Variants in RAB7A observed in about 807,000 individuals in gnomAD.
The protein encoded by RAB7A is ras-related protein Rab-7a.
In RAB7A, 2 loss-of-function variants were observed where a neutral mutation model predicts 24.5. The observed-to-expected ratio is 0.08, with a 90% confidence interval of 0.03 to 0.26. The LOEUF (loss-of-function observed/expected upper bound fraction) is 0.26. Ranked by LOEUF, RAB7A falls within the 10% of genes least tolerant of loss-of-function variation. The pLI, the probability that RAB7A is intolerant of heterozygous loss-of-function variation, is 1.00. For synonymous variants in RAB7A, 100 were observed against 95.9 expected (o/e 1.04, Z -0.25); for missense variants, 118 against 255.7 (o/e 0.46, Z 3.67).
intron 1 of RAB7A, among the ~76,000 whole-genome samples, chr3:128,758,713 CAT>C (rs1576280462): frequency 1.3e-5 from 2 of 152,126 alleles, no homozygotes; most frequent in East Asian, 3.9e-4. Flanking sequence ...TTAGTTTTCT[CAT>C]ATATCAGATA....
chr3:128,732,547 A>G (rs1298109651), intron 1 of RAB7A, among the ~76,000 whole-genome samples: 1 of 152,186 alleles, frequency 6.6e-6, no homozygotes, highest in Non-Finnish European at 1.5e-5. Flanking sequence ...TTGGCCAGGC[A>G]TGGTGGTCAG....
Position 128,814,522 on chromosome 3 carries a change from T to A in RAB7A, c.*1100T>A, listed in dbSNP as rs556530753. 1.3e-5 allele frequency: 2 copies of A among 152,790 alleles called. No homozygotes were observed. Among genetic ancestry groups the A allele is most frequent in the East Asian group, 3.9e-4 (2 of 5,190 alleles). 9.5% of individuals were successfully genotyped at this position (152,790 alleles called of 1,614,324 possible). On this transcript the variant is annotated 3_prime_UTR_variant, in exon 6 of 6. Coordinates refer to ENST00000265062, the MANE Select transcript of RAB7A (RefSeq NM_004637.6). ...TGTCCTAGTGATTTTACCTTTGTTC[T>A]AGAAGGCGCTCCTTTCAGGGTTGTG...
chr3:128,767,055 T>TA (rs2070838842), intron 1 of RAB7A, among the ~76,000 whole-genome samples: 1 of 152,164 alleles, frequency 6.6e-6, no homozygotes, highest in Non-Finnish European at 1.5e-5. Context: ...TTTGCCCTGA[T>TA]ACCATCTCTT....
chr3:128,785,352 C>A (rs1344790326), intron 1 of RAB7A: 2 of 152,144 alleles, frequency 1.3e-5, no homozygotes, highest in East Asian at 3.8e-4. Flanking sequence ...GCGAATAGAG[C>A]AGATGAAACA....
chr3:128,777,921 C>A (rs1045347997), intron 1 of RAB7A, among the ~76,000 whole-genome samples: 9 of 152,122 alleles, frequency 5.9e-5, no homozygotes, highest in Non-Finnish European at 1.5e-5. Flanking sequence ...ACCATGCTGG[C>A]CAGGCTGGTC....
chr3:128,790,516 G>A (rs1408547181), intron 1 of RAB7A, among the ~76,000 whole-genome samples: 1 of 152,138 alleles, frequency 6.6e-6, no homozygotes, highest in Non-Finnish European at 1.5e-5. Flanking sequence ...ATTCCTTTCT[G>A]CTTCATGTGT....
At chr3:128,745,213 G>A (rs2070600365) in intron 1 of RAB7A, among the ~76,000 whole-genome samples, 1 of 152,052 alleles carries the variant, frequency 6.6e-6, no homozygotes, top group Non-Finnish European at 1.5e-5. Context: ...TTAACTTCAA[G>A]TACTGCGTGT....
chr3:128,736,201 C>T (rs1353816840), intron 1 of RAB7A, among the ~76,000 whole-genome samples: 1 of 151,718 alleles, frequency 6.6e-6, no homozygotes. Context: ...AGGTCATGCT[C>T]AGTATCTTGG....
At chr3:128,747,771 T>C (rs2070632648) in intron 1 of RAB7A, among the ~76,000 whole-genome samples, 1 of 151,216 alleles carries the variant, frequency 6.6e-6, no homozygotes, top group African/African-American at 2.5e-5. Flanking sequence ...TTTTGTTTTG[T>C]TTTGTTTTGT....
At chr3:128,739,777 G>A (rs1245519455) in intron 1 of RAB7A, among the ~76,000 whole-genome samples, 1 of 152,094 alleles carries the variant, frequency 6.6e-6, no homozygotes, top group Non-Finnish European at 1.5e-5. Flanking sequence ...TTTAAGAAAA[G>A]TATTTAATAG....
intron 1 of RAB7A, among the ~76,000 whole-genome samples, chr3:128,793,003 A>T (rs560383495): frequency 1.3e-5 from 2 of 151,268 alleles, no homozygotes; most frequent in African/African-American, 4.9e-5. Flanking sequence ...GGCGCGTGCC[A>T]CCATGCCCAG....
chr3:128,780,921 C>CATAGAATA (rs1933203961), intron 1 of RAB7A, among the ~76,000 whole-genome samples: 3 of 152,274 alleles, frequency 2.0e-5, no homozygotes, highest in African/African-American at 7.2e-5. Flanking sequence ...GGCATTTTTG[C>CATAGAATA]CCTATGTAAA....
rs929339942 is a variant in RAB7A at position 128,807,647 on chromosome 3, G to A, written c.504G>A (p.Thr168=). ...EAINVEQAFQ[T]IARNALKQET... Reference sequence around the variant, plus strand: ...TCAACGTGGAGCAGGCGTTCCAGACGATTGCACGGAATGCACTTAAGCAGG... The same window carrying A: ...TCAACGTGGAGCAGGCGTTCCAGACAATTGCACGGAATGCACTTAAGCAGG... Residue 168 remains threonine, a synonymous_variant, in exon 5 of 6, where the codon ACG becomes ACA. Transcript: ENST00000265062. The A allele has an allele frequency of 6.2e-6, 10 of 1,614,080 alleles. No individual in the cohort carries two copies. The East Asian group carries it at 8.9e-5, about 14-fold the overall frequency.
chr3:128,767,997 G>A (rs2070849095), intron 1 of RAB7A, among the ~76,000 whole-genome samples: 1 of 152,076 alleles, frequency 6.6e-6, no homozygotes, highest in Non-Finnish European at 1.5e-5. Flanking sequence ...TGTATTGTGT[G>A]AAACCATCAC....
At chr3:128,743,699 C>T (rs143152921) in intron 1 of RAB7A, among the ~76,000 whole-genome samples, 3 of 152,154 alleles carry the variant, frequency 2.0e-5, no homozygotes, top group Non-Finnish European at 2.9e-5. Context: ...ATGCCTGTAA[C>T]GCCAGCACTT....
At chr3:128,774,749 T>C (rs549565005) in intron 1 of RAB7A, among the ~76,000 whole-genome samples, 13 of 152,248 alleles carry the variant, frequency 8.5e-5, no homozygotes, top group Admixed American at 1.3e-4. Flanking sequence ...ATTTTTTGTA[T>C]TTTTAGTAGA....
At chr3:128,763,313 C>T (rs1294660868) in intron 1 of RAB7A, among the ~76,000 whole-genome samples, 1 of 145,306 alleles carries the variant, frequency 6.9e-6, no homozygotes, top group Non-Finnish European at 1.5e-5. Flanking sequence ...CTCCTGGGTT[C>T]AGGCCATTCT....
chr3:128,728,523 C>T (rs571409136), intron 1 of RAB7A, among the ~76,000 whole-genome samples: 2 of 152,256 alleles, frequency 1.3e-5, no homozygotes, highest in African/African-American at 4.8e-5. Flanking sequence ...AGTGCAATAG[C>T]GCGATGTCGG....
At chr3:128,804,121 C>CA (rs1216725630) in intron 3 of RAB7A, among the ~76,000 whole-genome samples, 2 of 151,244 alleles carry the variant, frequency 1.3e-5, no homozygotes, top group East Asian at 3.9e-4. Flanking sequence ...TGGGCCCCCC[C>CA]CCGCCCCCAG....
Sources: gnomAD v4.1 joint callset for allele counts (sites outside exome capture counted in the v4.1 genomes callset) on GRCh38, gnomAD v4.1.1 for gene constraint, MANE v1.5 for transcripts, NCBI Gene and HGNC (gene_info 2026-07-23, HGNC 2026-07-21) for gene names.